SPAG1: variants seen among roughly 807,000 people sequenced by gnomAD.
SPAG1 encodes the protein sperm-associated antigen 1.
SPAG1 carries 69 observed loss-of-function variants against 100.5 expected under a neutral mutation model. The observed-to-expected ratio is 0.69, with a 90% CI of 0.57 to 0.84. The LOEUF is 0.84. SPAG1 is among the 40% of genes least tolerant of loss of function. The probability of loss-of-function intolerance (pLI) is 0.00; values close to 1 mark genes in which losing one functional copy is unlikely to be tolerated. For synonymous variants in SPAG1, 336 were observed against 411.6 expected (o/e 0.82, Z 2.22); for missense variants, 955 against 1,133.1 (o/e 0.84, Z 2.26).
At chr8:100,232,379 G>C (rs972390151) in intron 15 of SPAG1, among the ~76,000 whole-genome samples, 4 of 151,980 alleles carry the variant, frequency 2.6e-5, no homozygotes, top group Non-Finnish European at 5.9e-5. Context: ...TACTCTAGAG[G>C]CCATTCCATC....
intron 10 of SPAG1, among the ~76,000 whole-genome samples, 175 bp from the exon 11 acceptor site, chr8:100,212,915 T>C (rs1308446137): frequency 6.6e-6 from 1 of 151,874 alleles, no homozygotes; most frequent in African/African-American, 2.4e-5. Context: ...GGGAGCGGAC[T>C]GGGCCGACTG....
intron 10 of SPAG1, among the ~76,000 whole-genome samples, chr8:100,212,176 A>G (rs1817744474): frequency 6.6e-6 from 1 of 152,246 alleles, no homozygotes; most frequent in Non-Finnish European, 1.5e-5. Flanking sequence ...TAAGGTGATC[A>G]TCCACTGATT....
intron 10 of SPAG1, among the ~76,000 whole-genome samples, chr8:100,201,056 A>G (rs1189770553): frequency 6.6e-6 from 1 of 151,528 alleles, no homozygotes; most frequent in Non-Finnish European, 1.5e-5. Flanking sequence ...ATAAGAATCC[A>G]TTGTCAAATC....
chr8:100,214,610 CTTTTT>C (rs1034107724), intron 12 of SPAG1, among the ~76,000 whole-genome samples: 1 of 152,098 alleles, frequency 6.6e-6, no homozygotes, highest in African/African-American at 2.4e-5. Flanking sequence ...CATGTCTTTT[CTTTTT>C]TAATAGACAA....
rs751818210 is a variant in SPAG1, at chr8:100,187,123, C to G, written c.705C>G (p.Ser235Arg). The change falls in exon 8 of 19, where the codon AGC becomes AGG. Residue 235 changes from serine (S) to arginine (R), a missense_variant. By Grantham distance (110) the Ser-to-Arg change is moderately radical. Coordinates refer to ENST00000388798, the MANE Select transcript of SPAG1 (RefSeq NM_003114.5). ...YEEAVMYYTRSISALPTVVAY... is the reference protein window; with the variant it reads ...YEEAVMYYTRRISALPTVVAY... Reference sequence around the variant, plus strand: ...CCAGTAACTGTTTCTTTTCTAGGAGCATATCAGCGCTTCCCACTGTAGTTG... The same window carrying G: ...CCAGTAACTGTTTCTTTTCTAGGAGGATATCAGCGCTTCCCACTGTAGTTG... 5 of 1,604,008 alleles carry G rather than the reference C, an allele frequency of 3.1e-6. No individual in the cohort carries two copies. The South Asian group carries it at 5.6e-5, about 18-fold the overall frequency.
At chr8:100,208,468 T>C (rs1418646538) in intron 10 of SPAG1, among the ~76,000 whole-genome samples, 1 of 152,136 alleles carries the variant, frequency 6.6e-6, no homozygotes, top group Non-Finnish European at 1.5e-5. Flanking sequence ...AATGAAAGTT[T>C]GGATCACTCC....
intron 3 of SPAG1, among the ~76,000 whole-genome samples, chr8:100,167,442 C>G (rs1815612165): frequency 6.6e-6 from 1 of 152,124 alleles, no homozygotes; most frequent in East Asian, 1.9e-4. Context: ...ACAATTATAA[C>G]AGCATACTGT....
chr8:100,171,773 C>A (rs1458426294), intron 3 of SPAG1, among the ~76,000 whole-genome samples: 1 of 152,198 alleles, frequency 6.6e-6, no homozygotes, highest in Non-Finnish European at 1.5e-5. Flanking sequence ...TGTCCTGTGC[C>A]ACCTGTTGTC....
chr8:100,166,982 C>CA (rs1454262811), intron 3 of SPAG1, among the ~76,000 whole-genome samples: 1 of 152,056 alleles, frequency 6.6e-6, no homozygotes, highest in Non-Finnish European at 1.5e-5. Context: ...TAAGCCTTTT[C>CA]AAACATATGT....
At chr8:100,182,712 T>C (rs890973868) in intron 4 of SPAG1, among the ~76,000 whole-genome samples, 11 of 152,198 alleles carry the variant, frequency 7.2e-5, no homozygotes, top group South Asian at 6.2e-4. Flanking sequence ...TTCTTGTTTC[T>C]CCAATGCCTA....
chr8:100,180,703 G>A (rs1407082635), intron 4 of SPAG1, among the ~76,000 whole-genome samples: 2 of 152,178 alleles, frequency 1.3e-5, no homozygotes, highest in African/African-American at 4.8e-5. Flanking sequence ...TATTATCTCT[G>A]TCTCTTGATT....
intron 12 of SPAG1, 53 bp downstream of exon 12, chr8:100,213,971 T>C (rs1161877881): frequency 6.9e-6 from 7 of 1,019,186 alleles, no homozygotes; most frequent in Non-Finnish European, 1.1e-5. Flanking sequence ...TTCATTATGG[T>C]GAATGCAATA....
At chr8:100,225,998 G>GTT (rs57004927) in intron 14 of SPAG1, among the ~76,000 whole-genome samples, 22 of 132,144 alleles carry the variant, frequency 1.7e-4, no homozygotes, top group Admixed American at 1.5e-4. Flanking sequence ...ATGCCAGCTA[G>GTT]TTTTTTTTTT....
At chr8:100,227,883 G>A (rs935890470) in intron 14 of SPAG1, among the ~76,000 whole-genome samples, 2 of 117,752 alleles carry the variant, frequency 1.7e-5, no homozygotes, top group African/African-American at 6.8e-5. Flanking sequence ...ATCTTGCTCT[G>A]TTGCGCAGGC....
intron 3 of SPAG1, among the ~76,000 whole-genome samples, chr8:100,174,790 G>A (rs780408136): frequency 1.4e-4 from 22 of 152,232 alleles, no homozygotes; most frequent in Non-Finnish European, 2.5e-4. Flanking sequence ...AATTACTGTG[G>A]TATGGTGTTA....
intron 3 of SPAG1, among the ~76,000 whole-genome samples, chr8:100,174,294 G>A (rs1203635375): frequency 6.6e-6 from 1 of 152,166 alleles, no homozygotes; most frequent in African/African-American, 2.4e-5. Context: ...ATGTTATTAG[G>A]AAAATCATAA....
chr8:100,161,602 G>C (rs192163423), intron 1 of SPAG1, among the ~76,000 whole-genome samples: 1 of 152,156 alleles, frequency 6.6e-6, no homozygotes, highest in Admixed American at 6.5e-5. Flanking sequence ...GATTAAACAA[G>C]TTTTACTGTG....
At position 100,228,648 on chromosome 8, in the gene SPAG1, GGTT is replaced by G. The variant is rs1310739734; in HGVS notation, c.1856-2505_1856-2503del. Among the ~76,000 whole-genome samples the G allele has an allele frequency of 3.9e-5, 6 of 152,024 alleles. No individual in the cohort carries two copies. In the South Asian group the frequency reaches 1.2e-3, roughly 32 times the overall value. ...GGATGGCTTGAGTCCAGAAGGCAGA[GGTT>G]GTGGTGAGCCGAGATTGCACCACTG... is the stretch of plus-strand genomic sequence containing the variant. On this transcript the variant is annotated intron_variant, in intron 14 of 18. Coordinates refer to ENST00000388798, the MANE Select transcript of SPAG1 (RefSeq NM_003114.5).
intron 3 of SPAG1, among the ~76,000 whole-genome samples, chr8:100,171,630 CT>C (rs1341255239): frequency 6.6e-6 from 1 of 152,192 alleles, no homozygotes; most frequent in Non-Finnish European, 1.5e-5. Context: ...AACGTCCAAA[CT>C]TTGTCTGCTG....
Sources: gnomAD v4.1 joint callset for allele counts (sites outside exome capture counted in the v4.1 genomes callset) on GRCh38, gnomAD v4.1.1 for gene constraint, MANE v1.5 for transcripts, NCBI Gene and HGNC (gene_info 2026-07-23, HGNC 2026-07-21) for gene names.